Variants in LRRTM4 observed in about 807,000 individuals in gnomAD.
The protein encoded by LRRTM4 is leucine rich repeat transmembrane neuronal 4.
LRRTM4 carries 25 observed loss-of-function variants against 47.6 expected under a neutral mutation model. The observed-to-expected ratio is 0.53, with a 90% CI of 0.38 to 0.73. The LOEUF (loss-of-function observed/expected upper bound fraction) is 0.73. Among genes scored for constraint, LRRTM4 ranks in the 30% least tolerant of loss-of-function variants. The probability of loss-of-function intolerance (pLI) is 0.00; values close to 1 mark genes in which losing one functional copy is unlikely to be tolerated. For synonymous variants in LRRTM4, 311 were observed against 269.5 expected, an observed-to-expected ratio of 1.15 and a Z score of -1.51; for missense variants, 638 against 713.4, an observed-to-expected ratio of 0.89 and a Z score of 1.20.
intron 3 of LRRTM4, among the ~76,000 whole-genome samples, chr2:77,004,398 G>A (rs1439649181): frequency 6.6e-6 from 1 of 152,160 alleles, no homozygotes; most frequent in Non-Finnish European, 1.5e-5. Flanking sequence ...GCTTGAGAGG[G>A]TGCAAGCTCC....
chr2:77,300,861 C>T (rs901428777), intron 3 of LRRTM4, among the ~76,000 whole-genome samples: 3 of 151,916 alleles, frequency 2.0e-5, no homozygotes, highest in African/African-American at 7.3e-5. Flanking sequence ...GTTAAAAATT[C>T]CAATACATAC....
At chr2:77,119,809 C>T (rs1011653393) in intron 3 of LRRTM4, among the ~76,000 whole-genome samples, 7 of 151,862 alleles carry the variant, frequency 4.6e-5, no homozygotes, top group African/African-American at 1.7e-4. Flanking sequence ...TTACTCCTCT[C>T]TTCCATGCTT....
chr2:77,222,268 T>C (rs935649091), intron 3 of LRRTM4, among the ~76,000 whole-genome samples: 6 of 152,052 alleles, frequency 3.9e-5, no homozygotes, highest in Non-Finnish European at 7.4e-5. Context: ...AGATCTAAAA[T>C]TGACACCCTA....
chr2:76,786,076 T>C (rs888804734), intron 3 of LRRTM4, among the ~76,000 whole-genome samples: 14 of 152,186 alleles, frequency 9.2e-5, no homozygotes, highest in African/African-American at 3.4e-4. Flanking sequence ...CTTGGCAAAC[T>C]ACATTTTCAC....
At chr2:77,291,678 T>G (rs1468834681) in intron 3 of LRRTM4, among the ~76,000 whole-genome samples, 1 of 152,104 alleles carries the variant, frequency 6.6e-6, no homozygotes, top group African/African-American at 2.4e-5. Context: ...GACCATTATA[T>G]TTTAGCACCA....
chr2:77,152,434 T>C (rs1672454487), intron 3 of LRRTM4, among the ~76,000 whole-genome samples: 1 of 152,096 alleles, frequency 6.6e-6, no homozygotes. Flanking sequence ...GTTCAAGCGA[T>C]TCTCCTGCCT....
Position 76,824,498 on chromosome 2 carries a change from G to A in LRRTM4, c.1552-75582C>T, listed in dbSNP as rs141654592. Among the ~76,000 whole-genome samples, 382 of 151,334 alleles carry A rather than the reference G, an allele frequency of 2.5e-3. 3 individuals carry two copies. Among genetic ancestry groups the A allele is most frequent in the African/African-American group, 8.7e-3 (357 of 41,226 alleles). On this transcript the variant is annotated intron_variant, in intron 3 of 3. Coordinates refer to ENST00000409884, the MANE Select transcript of LRRTM4 (RefSeq NM_001134745.3). ...TACACTCAATTTATTAAATGAGTCA[G>A]CAGGCTACTTTATTTTGAATATTGC...
At chr2:77,181,942 G>A (rs1219557951) in intron 3 of LRRTM4, among the ~76,000 whole-genome samples, 2 of 152,106 alleles carry the variant, frequency 1.3e-5, no homozygotes, top group Admixed American at 6.6e-5. Flanking sequence ...TGAGTCTGTG[G>A]AGAAATAGGA....
chr2:77,489,432 G>A (rs1440448660), intron 3 of LRRTM4, among the ~76,000 whole-genome samples: 2 of 152,064 alleles, frequency 1.3e-5, no homozygotes, highest in African/African-American at 2.4e-5. Context: ...TCTGAATTAC[G>A]GTTACAAAAA....
chr2:77,245,594 C>T (rs1675423609), intron 3 of LRRTM4, among the ~76,000 whole-genome samples: 2 of 141,858 alleles, frequency 1.4e-5, no homozygotes, highest in African/African-American at 2.6e-5. Context: ...CTGAAGAAAC[C>T]AAAAAACAGC....
intron 3 of LRRTM4, among the ~76,000 whole-genome samples, chr2:77,199,514 T>C (rs2103896498): frequency 6.6e-6 from 1 of 152,290 alleles, no homozygotes; most frequent in South Asian, 2.1e-4. Flanking sequence ...TGTTTTGTTT[T>C]GTTTCCTTTG....
intron 3 of LRRTM4, among the ~76,000 whole-genome samples, chr2:76,868,393 T>A (rs978285932): frequency 1.3e-5 from 2 of 152,278 alleles, no homozygotes; most frequent in South Asian, 4.2e-4. Flanking sequence ...TCAAGAAATT[T>A]TTTTTAGTGT....
intron 3 of LRRTM4, among the ~76,000 whole-genome samples, chr2:77,018,627 G>A (rs1017561198): frequency 2.6e-5 from 4 of 151,852 alleles, no homozygotes; most frequent in African/African-American, 9.7e-5. Flanking sequence ...ATTATGATAA[G>A]AAATATAAAC....
intron 3 of LRRTM4, among the ~76,000 whole-genome samples, chr2:77,158,568 T>C (rs1055756944): frequency 1.3e-5 from 2 of 152,166 alleles, no homozygotes; most frequent in Admixed American, 1.3e-4. Context: ...TTTCTTATGT[T>C]TTACATTTAT....
At chr2:76,794,533 T>A (rs1456655043) in intron 3 of LRRTM4, among the ~76,000 whole-genome samples, 1 of 150,894 alleles carries the variant, frequency 6.6e-6, no homozygotes, top group East Asian at 1.9e-4. Context: ...ATATTCTATC[T>A]AGACTTAATT....
chr2:76,925,847 T>A (rs576913693), intron 3 of LRRTM4, among the ~76,000 whole-genome samples: 1 of 152,118 alleles, frequency 6.6e-6, no homozygotes, highest in South Asian at 2.1e-4. Context: ...CTCCCAAGAT[T>A]TGGGGAGAAA....
At chr2:77,019,429 C>A (rs955048339) in intron 3 of LRRTM4, among the ~76,000 whole-genome samples, 1 of 151,980 alleles carries the variant, frequency 6.6e-6, no homozygotes, top group Non-Finnish European at 1.5e-5. Context: ...TCACAAATTT[C>A]TAACTTTCTA....
chr2:77,384,586 G>GA (rs888877725), intron 3 of LRRTM4, among the ~76,000 whole-genome samples: 17 of 151,602 alleles, frequency 1.1e-4, no homozygotes, highest in Non-Finnish European at 2.1e-4. Flanking sequence ...AAAATAAAAT[G>GA]AAAAAAATGG....
intron 3 of LRRTM4, among the ~76,000 whole-genome samples, chr2:77,108,793 C>T (rs1003301759): frequency 1.3e-5 from 2 of 151,174 alleles, no homozygotes; most frequent in South Asian, 2.1e-4. Flanking sequence ...CCGTTTTAGC[C>T]GGGATGGTCT....
Sources: allele counts gnomAD v4.1 joint callset (sites outside exome capture counted in the v4.1 genomes callset), GRCh38; gene constraint gnomAD v4.1.1; transcripts MANE v1.5; gene names NCBI Gene and HGNC (gene_info 2026-07-23, HGNC 2026-07-21).